Variants in CIROZ observed in about 807,000 individuals in gnomAD.
The protein encoded by CIROZ is ciliated left-right organizer protein containing ZP-N domains, also known as ciliated left-right organizer ZP-N domains-containing protein.
chr1:10,970,736 A>G, the CIROZ span, among the ~76,000 whole-genome samples: 3 of 152,110 alleles, frequency 2.0e-5, no homozygotes, highest in Non-Finnish European at 4.4e-5. Flanking sequence ...CAAGTTCCCA[A>G]GTGATGGCTG....
At chr1:10,947,499 T>G in the CIROZ span, 12 of 551,334 alleles carry the variant, frequency 2.2e-5, no homozygotes, top group Non-Finnish European at 3.1e-5. Context: ...GATGCCTAGC[T>G]GTGGCTGAGC....
the CIROZ span, among the ~76,000 whole-genome samples, chr1:10,975,387 A>G: frequency 6.7e-6 from 1 of 148,958 alleles, no homozygotes; most frequent in African/African-American, 2.5e-5. Flanking sequence ...CCTGGGCGAC[A>G]AGAGCTAAGC....
the CIROZ span, chr1:10,948,811 G>C: frequency 2.6e-6 from 4 of 1,510,808 alleles, no homozygotes; most frequent in Non-Finnish European, 3.5e-6. Flanking sequence ...CTTCTCGCCG[G>C]TTTGGCTGTT....
At chr1:10,966,975 C>G in the CIROZ span, among the ~76,000 whole-genome samples, 1 of 151,838 alleles carries the variant, frequency 6.6e-6, no homozygotes, top group African/African-American at 2.4e-5. Context: ...ACTGCAAAAC[C>G]CCATCTCTAC....
chr1:10,947,562 C>A, the CIROZ span: 25 of 1,050,298 alleles, frequency 2.4e-5, no homozygotes, highest in Non-Finnish European at 3.1e-5. Flanking sequence ...AAAGACGGCC[C>A]CCAGCCCCCA....
chr1:10,947,779 C>T, the CIROZ span: 2 of 1,598,466 alleles, frequency 1.3e-6, no homozygotes, highest in Non-Finnish European at 1.7e-6. Flanking sequence ...AGTGAGGCCC[C>T]CCGGCCAGCC....
chr1:10,976,333 A>G, the CIROZ span: 7 of 887,450 alleles, frequency 7.9e-6, 1 homozygote, highest in Non-Finnish European at 1.2e-5. Context: ...CACTCATTAT[A>G]TTTCTTTTTT....
chr1:10,964,105 C>G, the CIROZ span: 5 of 1,611,248 alleles, frequency 3.1e-6, no homozygotes, highest in Non-Finnish European at 4.2e-6. Flanking sequence ...TCTGCCACCT[C>G]CCAGACCCCC....
At chr1:10,949,890 T>G in the CIROZ span, 1 of 1,312,818 alleles carries the variant, frequency 7.6e-7, no homozygotes, top group Non-Finnish European at 1.0e-6. Context: ...GAAGGGACCA[T>G]GAGTGACCCC....
At chr1:10,974,677 C>T in the CIROZ span, among the ~76,000 whole-genome samples, 3 of 152,296 alleles carry the variant, frequency 2.0e-5, no homozygotes, top group African/African-American at 7.2e-5. This position sits in a 1 kb window ranked among gnomAD's most constrained non-coding sequence, Gnocchi z 4.4. Context: ...AAGGTGCCAG[C>T]GGCCACAGAG....
At chr1:10,981,183 T>A in the CIROZ span, among the ~76,000 whole-genome samples, 1 of 152,132 alleles carries the variant, frequency 6.6e-6, no homozygotes, top group Non-Finnish European at 1.5e-5. Flanking sequence ...GTGCAGTGAG[T>A]CATGCCCGTA....
chr1:10,980,847 G>A, the CIROZ span, among the ~76,000 whole-genome samples: 9,393 of 152,248 alleles, frequency 0.062, 743 homozygotes, highest in African/African-American at 0.18. Context: ...CCCCAAAGCT[G>A]AGCCCCCTCA....
At chr1:10,973,359 C>T in the CIROZ span, among the ~76,000 whole-genome samples, 5 of 152,024 alleles carry the variant, frequency 3.3e-5, no homozygotes, top group South Asian at 2.1e-4. Flanking sequence ...GATGGCAGAG[C>T]GAGATTCTGT....
the CIROZ span, among the ~76,000 whole-genome samples, chr1:10,963,768 T>C: frequency 6.6e-6 from 1 of 151,562 alleles, no homozygotes; most frequent in Non-Finnish European, 1.5e-5. Context: ...CTAGCAAATT[T>C]AGCAAATTTT....
the CIROZ span, among the ~76,000 whole-genome samples, chr1:10,973,963 C>CCCCAA: frequency 3.1e-5 from 3 of 96,524 alleles, no homozygotes; most frequent in Non-Finnish European, 7.3e-5. Context: ...AGGACCCCCC[C>CCCCAA]CACCAAGTCT....
the CIROZ span, chr1:10,976,058 C>T: frequency 1.0e-6 from 1 of 969,918 alleles, no homozygotes; most frequent in Non-Finnish European, 1.5e-6. Context: ...TTCTCGCTTC[C>T]AAAGTTGCCC....
chr1:10,949,783 A>C, the CIROZ span: 2 of 1,575,798 alleles, frequency 1.3e-6, no homozygotes, highest in South Asian at 2.3e-5. Context: ...TCCTCAGTGC[A>C]GCAGTTGAGG....
chr1:10,959,069 T>C, the CIROZ span, among the ~76,000 whole-genome samples: 3 of 152,170 alleles, frequency 2.0e-5, no homozygotes, highest in Admixed American at 2.0e-4. The surrounding 1 kb of genome is among the most constrained non-coding windows in gnomAD (Gnocchi z 4.3). Flanking sequence ...CCCACTTCCA[T>C]TGGGGCTGTT....
At chr1:10,965,320 C>T in the CIROZ span, among the ~76,000 whole-genome samples, 1 of 151,090 alleles carries the variant, frequency 6.6e-6, no homozygotes. Flanking sequence ...AGGAAGGGAG[C>T]ACAAAGAAAT....
Sources: allele counts gnomAD v4.1 joint callset (sites outside exome capture counted in the v4.1 genomes callset), GRCh38; gene constraint gnomAD v4.1.1; non-coding constraint Gnocchi (gnomAD v3.1); transcripts MANE v1.5; gene names NCBI Gene and HGNC (gene_info 2026-07-23, HGNC 2026-07-21).